Variants in EIF2AK4 observed in about 807,000 individuals in gnomAD.
EIF2AK4 encodes the protein eIF-2-alpha kinase GCN2.
Under a neutral mutation model 211.1 loss-of-function variants are expected in EIF2AK4, and 139 were observed. That is an observed-to-expected ratio of 0.66 (90% confidence interval 0.57 to 0.76). The LOEUF (loss-of-function observed/expected upper bound fraction) is 0.76. Ranked by LOEUF, EIF2AK4 falls within the 30% of genes least tolerant of loss-of-function variation. EIF2AK4 has a pLI of 0.00. For missense variants in EIF2AK4, 1,664 were observed against 2,043.8 expected (o/e 0.81, Z 3.58); for synonymous variants, 710 against 751.3 (o/e 0.94, Z 0.90).
At position 40,017,533 on chromosome 15, in the gene EIF2AK4, A is replaced by G. The variant is rs1166564221; in HGVS notation, c.4065+291A>G. ...TATATATATATATATATATATATAT[A>G]TATATATATATATATATATATGTAT... On this transcript the variant is annotated intron_variant, in intron 29 of 38. Coordinates refer to ENST00000263791, the MANE Select transcript of EIF2AK4 (RefSeq NM_001013703.4). Among the ~76,000 whole-genome samples, 9 of 82,904 alleles carry G rather than the reference A, an allele frequency of 1.1e-4. 2 individuals are homozygous for G. The highest frequency in any genetic ancestry group is 4.6e-4 in the African/African-American group (7 of 15,310). The allele number at this position is 82,904 out of a possible 152,430, so 54.4% of individuals were successfully genotyped here. A position where few individuals can be genotyped will look rare whatever the true frequency, so the allele number is the denominator to read the frequency against.
At chr15:39,966,150 C>T (rs1042939944) in intron 8 of EIF2AK4, among the ~76,000 whole-genome samples, 5 of 151,984 alleles carry the variant, frequency 3.3e-5, no homozygotes, top group Admixed American at 6.6e-5. Flanking sequence ...GGTTTTTTTG[C>T]AATTCTTCTT....
intron 16 of EIF2AK4, chr15:39,991,645 C>A (rs1791988051): frequency 6.5e-6 from 1 of 153,194 alleles, no homozygotes; most frequent in African/African-American, 2.4e-5. Flanking sequence ...GCACCTATTA[C>A]AAGTGCAGAC....
chr15:39,944,112 A>G (rs994790913), intron 3 of EIF2AK4, among the ~76,000 whole-genome samples: 6 of 152,192 alleles, frequency 3.9e-5, no homozygotes, highest in African/African-American at 1.4e-4. Context: ...TCCCCTTTGC[A>G]TATCAGAGGA....
chr15:40,030,509 A>C (rs2035527300), intron 35 of EIF2AK4, 53 bp downstream of exon 35: 14 of 1,483,004 alleles, frequency 9.4e-6, no homozygotes, highest in African/African-American at 1.4e-5. Flanking sequence ...CAGAAGAGAA[A>C]AACAACAACA....
rs939905844 is a variant in EIF2AK4, at chr15:39,950,923, C to T, written c.513+1655C>T. ...TATAATTATTAGAAAGTTAAACTGC[C>T]GAAACTTGTTCACTGAAACATTTTG... On this transcript the variant is annotated intron_variant, in intron 4 of 38. Coordinates refer to ENST00000263791, the MANE Select transcript of EIF2AK4 (RefSeq NM_001013703.4). Among the ~76,000 whole-genome samples, 9 of 152,044 alleles carry T rather than the reference C, an allele frequency of 5.9e-5. No individual in the cohort carries two copies. The East Asian group carries it at 7.7e-4, about 13-fold the overall frequency.
rs201056702 is a variant in EIF2AK4, at chr15:40,002,728, C to T, written c.3175C>T (p.Arg1059Cys). ...CCTGTTTTAGGGCAACTTCTCAATC[C>T]GTACAGCCAAGATGCAGCAGCATGT... ...SDILKGNFSI[R>C]TAKMQQHVCE... The change falls in exon 22 of 39, where the codon CGT (arginine) becomes TGT (cysteine). Residue 1059 changes from arginine to cysteine, a missense_variant. Physicochemically the swap from Arg to Cys is radical, Grantham distance 180. Around this residue, in one of 7 missense-constraint regions of EIF2AK4, gnomAD observed 622 missense variants for 796.8 expected, o/e 0.78. Coordinates refer to ENST00000263791, the MANE Select transcript of EIF2AK4 (RefSeq NM_001013703.4). 2.8e-4 allele frequency: 451 copies of T among 1,614,008 alleles called. 3 individuals carry two copies. The highest frequency in any genetic ancestry group is 1.1e-4 in the Non-Finnish European group (127 of 1,180,024).
intron 24 of EIF2AK4, 145 bp downstream of exon 24, chr15:40,007,210 G>C: frequency 1.3e-6 from 1 of 752,646 alleles, no homozygotes; most frequent in Non-Finnish European, 2.1e-6. Flanking sequence ...ATATGAACCA[G>C]AAGCCCAGCC....
intron 20 of EIF2AK4, among the ~76,000 whole-genome samples, chr15:39,999,446 TACTG>T (rs1393605992): frequency 1.3e-5 from 2 of 152,182 alleles, no homozygotes; most frequent in Admixed American, 6.5e-5. Context: ...CAAACTGACT[TACTG>T]ACAATTATAA....
At chr15:40,003,043 ATT>A in intron 22 of EIF2AK4, 148 bp from the exon 23 acceptor site, 1 of 1,205,858 alleles carries the variant, frequency 8.3e-7, no homozygotes. Context: ...TGAGCTCTCT[ATT>A]TATAAATTTA....
Position 40,034,392 on chromosome 15 carries a change from A to C in EIF2AK4, c.4840A>C (p.Arg1614=). The stretch of plus-strand genomic sequence containing the variant: ...GCTGCTGTCACGCCTGCCAAAGCAA[A>C]GATACCTCAAATTAGTCTGTGATGA... The part of the protein sequence containing the change: ...KQLLSRLPKQ[R]YLKLVCDEIY... Residue 1614 remains arginine, a synonymous_variant, in exon 38 of 39, where the codon AGA becomes CGA. Coordinates refer to ENST00000263791, the MANE Select transcript of EIF2AK4 (RefSeq NM_001013703.4). The C allele has an allele frequency of 1.9e-6, 3 of 1,614,156 alleles. No individual in the cohort carries two copies. In the South Asian group the frequency reaches 3.3e-5, roughly 18 times the overall value.
rs775108405 is a variant in EIF2AK4 at position 39,990,284 on chromosome 15, C to T, written c.2538C>T (p.His846=). 3.7e-6 allele frequency: 6 copies of T among 1,613,980 alleles called. No homozygotes were observed. The East Asian group carries it at 1.3e-4, about 36-fold the overall frequency. The change falls in exon 16 of 39, where the codon CAC becomes CAT. Residue 846 remains histidine, a synonymous_variant. Transcript: ENST00000263791. ...LAYIHEKGMI[H]RDLKPVNIFL... ...CTCTCTTTCAACAGGGAATGATTCACCGGGATTTGAAGCCTGTCAACATTT... is the reference window on the plus strand; with the variant it reads ...CTCTCTTTCAACAGGGAATGATTCATCGGGATTTGAAGCCTGTCAACATTT...
chr15:39,976,270 A>T, intron 11 of EIF2AK4, 144 bp from the exon 12 acceptor site: 1 of 813,624 alleles, frequency 1.2e-6, no homozygotes, highest in Non-Finnish European at 1.8e-6. Flanking sequence ...TCTTCAGTTT[A>T]AGAATTTCAG....
At chr15:39,986,877 C>CAAAAA (rs71810163) in intron 14 of EIF2AK4, among the ~76,000 whole-genome samples, 3 of 151,556 alleles carry the variant, frequency 2.0e-5, no homozygotes, top group East Asian at 1.9e-4. Flanking sequence ...ACAACAACAA[C>CAAAAA]AACAAAAACA....
intron 20 of EIF2AK4, among the ~76,000 whole-genome samples, chr15:40,000,603 A>G (rs1202267206): frequency 6.6e-6 from 1 of 152,212 alleles, no homozygotes; most frequent in Non-Finnish European, 1.5e-5. Flanking sequence ...TCCAGCAGTT[A>G]TTATGCATTA....
rs1357666447 is a variant in EIF2AK4 at position 39,967,590 on chromosome 15, G to A, written c.1264G>A (p.Val422Met). The A allele has an allele frequency of 6.2e-7, 1 of 1,613,994 alleles. No individual in the cohort carries two copies. Among genetic ancestry groups the A allele is most frequent in the Admixed American group, 1.7e-5 (1 of 60,002 alleles). The change falls in exon 9 of 39, where the codon GTG becomes ATG. Residue 422 changes from valine to methionine, a missense_variant. Around this residue, in one of 7 missense-constraint regions of EIF2AK4, gnomAD observed 641 missense variants for 729.6 expected, o/e 0.88. Coordinates refer to ENST00000263791, the MANE Select transcript of EIF2AK4 (RefSeq NM_001013703.4). ...TGATTATCTGCACAGCAATTCTGTG[G>A]TGCATAAGGTCCTGAGTGCATCTAA... ...GLDYLHSNSV[V>M]HKVLSASNVL...
Position 40,016,525 on chromosome 15 carries a change from T to C in EIF2AK4, c.3783T>C (p.Ile1261=). Residue 1261 remains isoleucine (I), a synonymous_variant, in exon 28 of 39, where the codon ATT becomes ATC. Coordinates refer to ENST00000263791, the MANE Select transcript of EIF2AK4 (RefSeq NM_001013703.4). The part of the protein sequence containing the change: ...SNSLCRLYKF[I]EQKGDLQDLM... ...AGCTGTGTCGACTCTACAAGTTTAT[T>C]GAACAGAAGGGAGATTTGCAAGATC... is the stretch of plus-strand genomic sequence containing the variant. 1 of 1,614,192 alleles carries C rather than the reference T, an allele frequency of 6.2e-7. No individual in the cohort carries two copies. The highest frequency in any genetic ancestry group is 8.5e-7 in the Non-Finnish European group (1 of 1,180,014).
At chr15:39,960,467 G>A (rs950788715) in intron 6 of EIF2AK4, among the ~76,000 whole-genome samples, 10 of 152,116 alleles carry the variant, frequency 6.6e-5, no homozygotes, top group African/African-American at 2.4e-4. Flanking sequence ...GGATGACTAT[G>A]CCCCTAACCA....
At chr15:39,942,641 A>G (rs2034161376) in intron 2 of EIF2AK4, among the ~76,000 whole-genome samples, 1 of 152,216 alleles carries the variant, frequency 6.6e-6, no homozygotes, top group African/African-American at 2.4e-5. Context: ...GGTTGGGAAT[A>G]AAATGAAACC....
chr15:39,953,822 A>T (rs2034352939), intron 4 of EIF2AK4, 82 bp from the exon 5 acceptor site: 1 of 1,392,476 alleles, frequency 7.2e-7, no homozygotes, highest in Non-Finnish European at 9.9e-7. Context: ...TTGAAAGTTA[A>T]AAGATTTTTC....
Sources: gnomAD v4.1 joint callset for allele counts (sites outside exome capture counted in the v4.1 genomes callset) on GRCh38, gnomAD v4.1.1 for gene constraint, gnomAD v4.1.1 regional missense constraint, MANE v1.5 for transcripts, NCBI Gene and HGNC (gene_info 2026-07-23, HGNC 2026-07-21) for gene names.